HAUS1: variants seen among roughly 807,000 people sequenced by gnomAD.
HAUS1 encodes the protein HAUS augmin like complex subunit 1.
Under a neutral mutation model 38.6 loss-of-function variants are expected in HAUS1, and 25 were observed. That is an observed-to-expected ratio of 0.65 (90% confidence interval 0.47 to 0.91). The LOEUF (loss-of-function observed/expected upper bound fraction) is 0.91. Among genes scored for constraint, HAUS1 ranks in the 40% least tolerant of loss-of-function variants. The probability of loss-of-function intolerance (pLI) is 0.00; values close to 1 mark genes in which losing one functional copy is unlikely to be tolerated. For synonymous variants in HAUS1, 109 were observed against 112.9 expected (o/e 0.97, Z 0.22); for missense variants, 325 against 328.4 (o/e 0.99, Z 0.08).
chr18:46,105,045 C>T (rs77801220), intron 1 of HAUS1, 149 bp from the exon 2 acceptor site: 6,217 of 488,366 alleles, frequency 0.013, 53 homozygotes, highest in Non-Finnish European at 0.017. Context: ...TATCTAGTAT[C>T]TCCCTAAAGA....
At chr18:46,122,764 C>T (rs1369970111) in intron 5 of HAUS1, among the ~76,000 whole-genome samples, 174 bp downstream of exon 5, 1 of 152,198 alleles carries the variant, frequency 6.6e-6, no homozygotes, top group Non-Finnish European at 1.5e-5. Context: ...CAAACTCAGG[C>T]ATCCAGGCTC....
At chr18:46,126,627 T>TC (rs1912113212) in intron 8 of HAUS1, 1 of 132,794 alleles carries the variant, frequency 7.5e-6, no homozygotes, top group South Asian at 2.6e-4. Flanking sequence ...AGCTATGCTT[T>TC]CTTTTTTTTT....
intron 6 of HAUS1, among the ~76,000 whole-genome samples, chr18:46,123,934 T>G (rs1006673536): frequency 1.3e-5 from 2 of 152,066 alleles, no homozygotes. Context: ...GAGATGGGGG[T>G]CTTGCTATGT....
chr18:46,115,252 G>C (rs1397277985), intron 2 of HAUS1: 8 of 152,172 alleles, frequency 5.3e-5, no homozygotes, highest in Non-Finnish European at 1.5e-5. Context: ...CTGAGGTCAG[G>C]AGTTTGAGAC....
intron 2 of HAUS1, among the ~76,000 whole-genome samples, chr18:46,112,079 G>T (rs1911648950): frequency 6.7e-6 from 1 of 149,688 alleles, no homozygotes; most frequent in Non-Finnish European, 1.5e-5. Flanking sequence ...TAGAGATGGG[G>T]TTTCACCATG....
chr18:46,118,896 C>A (rs1911863138), intron 3 of HAUS1, among the ~76,000 whole-genome samples: 1 of 152,144 alleles, frequency 6.6e-6, no homozygotes, highest in South Asian at 2.1e-4. Context: ...GAGACAGAGT[C>A]TCATTCTGTC....
intron 2 of HAUS1, among the ~76,000 whole-genome samples, chr18:46,113,317 T>G (rs757559494): frequency 7.2e-5 from 11 of 151,948 alleles, no homozygotes; most frequent in Non-Finnish European, 1.6e-4. Context: ...CCTCAAGTGA[T>G]CTGCCTGCCT....
intron 4 of HAUS1, among the ~76,000 whole-genome samples, chr18:46,120,948 TCTTATA>T (rs1336352689): frequency 6.6e-6 from 1 of 152,208 alleles, no homozygotes; most frequent in African/African-American, 2.4e-5. Flanking sequence ...ATGTGATTTT[TCTTATA>T]CTTAAAGTCA....
At chr18:46,123,810 T>G (rs552867027) in intron 6 of HAUS1, among the ~76,000 whole-genome samples, 7 of 152,338 alleles carry the variant, frequency 4.6e-5, no homozygotes, top group African/African-American at 1.7e-4. Context: ...TTTGTTTTAT[T>G]ATTCTTAACG....
intron 2 of HAUS1, among the ~76,000 whole-genome samples, chr18:46,110,345 T>G (rs1447945766): frequency 2.3e-5 from 3 of 129,444 alleles, no homozygotes; most frequent in African/African-American, 2.9e-5. Flanking sequence ...TTTTTTTTTT[T>G]TTTTTTTTTT....
chr18:46,108,503 G>A (rs1481569028), intron 2 of HAUS1, among the ~76,000 whole-genome samples: 1 of 151,740 alleles, frequency 6.6e-6, no homozygotes, highest in Admixed American at 6.6e-5. Context: ...TCTTTTTTCA[G>A]TGTCTTAAAA....
intron 2 of HAUS1, among the ~76,000 whole-genome samples, chr18:46,113,518 T>TCG (rs1334935833): frequency 2.0e-5 from 3 of 151,468 alleles, no homozygotes; most frequent in Non-Finnish European, 2.9e-5. Flanking sequence ...ACAATTTCTC[T>TCG]TCATTGATAT....
intron 8 of HAUS1, chr18:46,126,546 A>T: frequency 6.6e-6 from 1 of 152,192 alleles, no homozygotes. Flanking sequence ...TGTTGAACTT[A>T]GAGGATGTAG....
intron 2 of HAUS1, among the ~76,000 whole-genome samples, chr18:46,109,992 T>C (rs1363752267): frequency 6.6e-6 from 1 of 151,996 alleles, no homozygotes. Context: ...TATAATTCCA[T>C]AGTTACCATT....
At chr18:46,106,592 G>C (rs1911489399) in intron 2 of HAUS1, 1 of 152,146 alleles carries the variant, frequency 6.6e-6, no homozygotes, top group Non-Finnish European at 1.5e-5. Context: ...AAGAGAGGAA[G>C]TGAGGCCTGC....
intron 8 of HAUS1, among the ~76,000 whole-genome samples, chr18:46,127,501 C>T (rs1289974634): frequency 6.6e-6 from 1 of 151,764 alleles, no homozygotes; most frequent in Non-Finnish European, 1.5e-5. Context: ...GTCAAGAGTT[C>T]AAGACTAACC....
At chr18:46,122,052 G>C (rs1470931234) in intron 4 of HAUS1, among the ~76,000 whole-genome samples, 2 of 152,116 alleles carry the variant, frequency 1.3e-5, no homozygotes, top group Non-Finnish European at 2.9e-5. Flanking sequence ...ATGTTGGCCA[G>C]GCTGGTCTCG....
At chr18:46,124,571 GA>G (rs1262090460) in intron 6 of HAUS1, among the ~76,000 whole-genome samples, 1 of 151,898 alleles carries the variant, frequency 6.6e-6, no homozygotes, top group Non-Finnish European at 1.5e-5. Context: ...GGGCAACACA[GA>G]AAGACTCCAT....
intron 4 of HAUS1, among the ~76,000 whole-genome samples, chr18:46,120,589 T>C (rs1168005529): frequency 6.6e-6 from 1 of 151,176 alleles, no homozygotes; most frequent in African/African-American, 2.4e-5. Context: ...TCTTACCTTA[T>C]TTTTTTTTCT....
Sources: allele counts gnomAD v4.1 joint callset (sites outside exome capture counted in the v4.1 genomes callset), GRCh38; gene constraint gnomAD v4.1.1; transcripts MANE v1.5; gene names NCBI Gene and HGNC (gene_info 2026-07-23, HGNC 2026-07-21).